FBXL20: variants seen among roughly 807,000 people sequenced by gnomAD.
The protein encoded by FBXL20 is F-box/LRR-repeat protein 20.
In FBXL20, 11 loss-of-function variants were observed where a neutral mutation model predicts 64.0. The ratio of observed to expected loss-of-function variants is 0.17; its 90% CI spans 0.11 to 0.28. FBXL20 has a LOEUF of 0.28. Among genes scored for constraint, FBXL20 ranks in the 10% least tolerant of loss-of-function variants. The pLI, the probability that FBXL20 is intolerant of heterozygous loss-of-function variation, is 1.00. For missense variants in FBXL20, 303 were observed against 526.2 expected, an observed-to-expected ratio of 0.58 and a Z score of 4.15; for synonymous variants, 184 against 189.0, an observed-to-expected ratio of 0.97 and a Z score of 0.22.
At chr17:39,402,140 C>T (rs937349766), upstream of FBXL20, 3 of 1,233,336 alleles carry the variant, frequency 2.4e-6, no homozygotes, top group African/African-American at 1.6e-5. Context: ...CGCATCCTTC[C>T]CGGCCACCCA....
At chr17:39,341,551 T>C (rs2047583326) in intron 2 of FBXL20, among the ~76,000 whole-genome samples, 1 of 152,140 alleles carries the variant, frequency 6.6e-6, no homozygotes, top group Admixed American at 6.6e-5. Context: ...GGAGAGAGGG[T>C]TCATATGTGA....
At chr17:39,300,052 G>A (rs187173765) in intron 4 of FBXL20, among the ~76,000 whole-genome samples, 70 of 152,186 alleles carry the variant, frequency 4.6e-4, no homozygotes, top group African/African-American at 1.5e-3. Flanking sequence ...AGCTGAGACC[G>A]CACCACTGCA....
At chr17:39,332,503 G>A (rs571217384) in intron 2 of FBXL20, among the ~76,000 whole-genome samples, 79 of 146,210 alleles carry the variant, frequency 5.4e-4, no homozygotes, top group African/African-American at 1.9e-3. Flanking sequence ...TTTTACCTGT[G>A]CACCTTTCCC....
intron 1 of FBXL20, among the ~76,000 whole-genome samples, chr17:39,397,126 G>A (rs1022358297): frequency 6.6e-6 from 1 of 152,008 alleles, no homozygotes. Flanking sequence ...GGCTGGTCTC[G>A]AACTCCCGAG....
At chr17:39,391,643 G>T (rs1041872854) in intron 1 of FBXL20, among the ~76,000 whole-genome samples, 1 of 152,092 alleles carries the variant, frequency 6.6e-6, no homozygotes, top group African/African-American at 2.4e-5. Context: ...TCACCTTAAA[G>T]CTGTCATTGT....
intron 2 of FBXL20, among the ~76,000 whole-genome samples, chr17:39,311,925 G>A (rs938091453): frequency 3.3e-5 from 5 of 152,102 alleles, no homozygotes; most frequent in African/African-American, 1.2e-4. Context: ...CATCAGGTTG[G>A]TAGTCAGATG....
chr17:39,340,032 G>A (rs148688811), intron 2 of FBXL20, among the ~76,000 whole-genome samples: 1 of 152,244 alleles, frequency 6.6e-6, no homozygotes, highest in African/African-American at 2.4e-5. Flanking sequence ...CAAGGTTCAA[G>A]TGATTCTCCT....
At position 39,297,176 on chromosome 17, in the gene FBXL20, T is replaced by C. The variant is rs2047093724; in HGVS notation, c.349A>G (p.Arg117Gly). The C allele has an allele frequency of 6.2e-7, 1 of 1,610,320 alleles. No individual in the cohort carries two copies. The highest frequency in any genetic ancestry group is 1.7e-5 in the Admixed American group (1 of 59,938). The change falls in exon 6 of 15, where the codon AGG becomes GGG. Residue 117 changes from arginine to glycine, a missense_variant. Physicochemically the swap from Arg to Gly is moderately radical, Grantham distance 125. Coordinates refer to ENST00000264658, the MANE Select transcript of FBXL20 (RefSeq NM_032875.3). ...NALRTFAQNCRNIEVLNLNGC... is the reference protein window; with the variant it reads ...NALRTFAQNCGNIEVLNLNGC... ...TTTAGATTCAGTACTTCAATGTTCCTGCAGTTTTGTGCAAAGGTTCTTTGT... is the reference window on the plus strand; with the variant it reads ...TTTAGATTCAGTACTTCAATGTTCCCGCAGTTTTGTGCAAAGGTTCTTTGT...
chr17:39,365,758 A>C (rs981558736), intron 1 of FBXL20, among the ~76,000 whole-genome samples: 2 of 152,226 alleles, frequency 1.3e-5, no homozygotes, highest in African/African-American at 4.8e-5. Context: ...TGAAGAACTG[A>C]ATATGACTGA....
At chr17:39,327,686 A>G (rs139906186) in intron 2 of FBXL20, among the ~76,000 whole-genome samples, 2 of 152,188 alleles carry the variant, frequency 1.3e-5, no homozygotes, top group East Asian at 3.9e-4. Flanking sequence ...ACAACCAAAC[A>G]TGTATTTCTT....
chr17:39,266,700 A>G (rs2046795298), intron 12 of FBXL20, among the ~76,000 whole-genome samples: 3 of 152,204 alleles, frequency 2.0e-5, no homozygotes, highest in Admixed American at 6.5e-5. Context: ...ATAATCAATC[A>G]TCAAATAACA....
At chr17:39,319,986 T>C (rs1049396175) in intron 2 of FBXL20, among the ~76,000 whole-genome samples, 3 of 152,178 alleles carry the variant, frequency 2.0e-5, no homozygotes, top group African/African-American at 7.2e-5. Flanking sequence ...AACACACAGA[T>C]GGTAATATAC....
chr17:39,343,258 A>G lies in FBXL20; in HGVS notation c.43-17T>C, dbSNP rs758340758. The G allele has an allele frequency of 6.4e-7, 1 of 1,572,210 alleles. No individual in the cohort carries two copies. On this transcript the variant is annotated splice_polypyrimidine_tract_variant and intron_variant, in intron 1 of 14. Coordinates refer to ENST00000264658, the MANE Select transcript of FBXL20 (RefSeq NM_032875.3). ...TGAGAACATCTGCAAAAACAAAATC[A>G]TAGTGTCAAGTGTTACTTAACATTT...
intron 1 of FBXL20, among the ~76,000 whole-genome samples, chr17:39,346,367 AATGGTTTATTAAATGG>A (rs1359368218): frequency 6.6e-6 from 1 of 152,018 alleles, no homozygotes; most frequent in Non-Finnish European, 1.5e-5. Flanking sequence ...CATCATAATG[AATGGTTTATTAAATGG>A]ATGGTGGGGC....
At chr17:39,305,091 A>G (rs896078419) in intron 2 of FBXL20, among the ~76,000 whole-genome samples, 3 of 152,172 alleles carry the variant, frequency 2.0e-5, no homozygotes, top group African/African-American at 7.2e-5. Context: ...AGTATTTTAC[A>G]GTTATGAAGA....
intron 2 of FBXL20, among the ~76,000 whole-genome samples, chr17:39,309,881 G>GC (rs1283172010): frequency 6.6e-6 from 1 of 151,548 alleles, no homozygotes; most frequent in East Asian, 1.9e-4. Flanking sequence ...AGGTGTGGTG[G>GC]CTCACACCTG....
At chr17:39,266,638 T>C in intron 12 of FBXL20, among the ~76,000 whole-genome samples, 1 of 152,208 alleles carries the variant, frequency 6.6e-6, no homozygotes, top group Non-Finnish European at 1.5e-5. Context: ...TGACCTACTA[T>C]GCCCAGCCCC....
intron 5 of FBXL20, 56 bp from the exon 6 acceptor site, chr17:39,297,251 TA>T: frequency 1.0e-6 from 1 of 999,948 alleles, no homozygotes; most frequent in Non-Finnish European, 1.6e-6. Context: ...TTCCAGTCAT[TA>T]AAAAAGTAAT....
intron 13 of FBXL20, 25 bp downstream of exon 13, chr17:39,265,372 A>G (rs116138811): frequency 1.3e-6 from 2 of 1,586,290 alleles, no homozygotes; most frequent in African/African-American, 1.3e-5. Context: ...CAGTAAACAC[A>G]TAAAGTTTTC....
Sources: allele counts gnomAD v4.1 joint callset (sites outside exome capture counted in the v4.1 genomes callset), GRCh38; gene constraint gnomAD v4.1.1; transcripts MANE v1.5; gene names NCBI Gene and HGNC (gene_info 2026-07-23, HGNC 2026-07-21).